The following ZEB1 variants were observed in gnomAD, a reference collection of about 807,000 sequenced individuals.
The protein encoded by ZEB1 is zinc finger E-box-binding homeobox 1.
A neutral mutation model predicts 84.9 loss-of-function variants in ZEB1; 21 were observed. That is an observed-to-expected ratio of 0.25 (90% CI 0.18 to 0.36). The LOEUF (loss-of-function observed/expected upper bound fraction) is 0.36, where lower values mean the gene tolerates loss of function less well. ZEB1 is among the 10% of genes least tolerant of loss of function. The pLI is 1.00. For missense variants in ZEB1, 1,104 were observed against 1,330.2 expected (o/e 0.83, Z 2.65); for synonymous variants, 420 against 471.1 (o/e 0.89, Z 1.41).
chr10:31,483,681 T>A (rs767866784), intron 2 of ZEB1, among the ~76,000 whole-genome samples: 1 of 152,008 alleles, frequency 6.6e-6, no homozygotes, highest in Non-Finnish European at 1.5e-5. Context: ...AAAAAAATAT[T>A]GACCTCTGCA....
chr10:31,382,059 G>A (rs938048422), intron 1 of ZEB1, among the ~76,000 whole-genome samples: 2 of 139,326 alleles, frequency 1.4e-5, no homozygotes, highest in African/African-American at 2.6e-5. Flanking sequence ...CTTGAAGCCC[G>A]ACTTCATGGC....
chr10:31,441,827 T>A (rs1473283297), intron 1 of ZEB1, among the ~76,000 whole-genome samples: 1 of 152,212 alleles, frequency 6.6e-6, no homozygotes, highest in East Asian at 1.9e-4. Context: ...TCACTGGCCA[T>A]CAGAGAAATG....
intron 1 of ZEB1, among the ~76,000 whole-genome samples, chr10:31,357,693 A>G (rs79346207): frequency 0.013 from 1,931 of 152,266 alleles, 31 homozygotes; most frequent in African/African-American, 0.044. Context: ...GAACTTGGCA[A>G]TTGTTAGTTT....
At chr10:31,373,293 G>A (rs781003590) in intron 1 of ZEB1, 31 of 899,600 alleles carry the variant, frequency 3.4e-5, no homozygotes, top group Non-Finnish European at 4.1e-5. Flanking sequence ...ACAAGTGTTT[G>A]AATTTTATAT....
chr10:31,477,141 T>G (rs955281446), intron 2 of ZEB1, among the ~76,000 whole-genome samples: 1 of 152,034 alleles, frequency 6.6e-6, no homozygotes, highest in Non-Finnish European at 1.5e-5. Flanking sequence ...ACTGATGACA[T>G]GCCCCCATAC....
At chr10:31,364,316 G>A (rs1276413419) in intron 1 of ZEB1, among the ~76,000 whole-genome samples, 2 of 152,208 alleles carry the variant, frequency 1.3e-5, no homozygotes, top group Non-Finnish European at 2.9e-5. Context: ...GGGGGCAAGT[G>A]TGTGGCCCTG....
intron 1 of ZEB1, among the ~76,000 whole-genome samples, chr10:31,425,759 C>G (rs1033304665): frequency 6.6e-6 from 1 of 152,022 alleles, no homozygotes; most frequent in Non-Finnish European, 1.5e-5. Flanking sequence ...TCTTATTTTT[C>G]AAGTCTGAGA....
chr10:31,481,574 A>G (rs750571713), intron 2 of ZEB1, among the ~76,000 whole-genome samples: 52 of 151,962 alleles, frequency 3.4e-4, no homozygotes, highest in Non-Finnish European at 6.9e-4. Flanking sequence ...TTGTAATCCC[A>G]ACTACTCGGG....
intron 2 of ZEB1, among the ~76,000 whole-genome samples, chr10:31,475,964 A>C (rs2064104107): frequency 6.6e-6 from 1 of 152,106 alleles, no homozygotes; most frequent in East Asian, 1.9e-4. Flanking sequence ...AAAAGGCCTA[A>C]ATATTCCATT....
intron 1 of ZEB1, among the ~76,000 whole-genome samples, chr10:31,409,388 G>T (rs2053783409): frequency 6.6e-6 from 1 of 152,216 alleles, no homozygotes; most frequent in Non-Finnish European, 1.5e-5. Flanking sequence ...TTTGATACCA[G>T]TACCATGCTG....
intron 1 of ZEB1, among the ~76,000 whole-genome samples, chr10:31,446,861 G>A (rs1426621618): frequency 6.6e-6 from 1 of 151,884 alleles, no homozygotes; most frequent in East Asian, 1.9e-4. Flanking sequence ...AATAGGTGTG[G>A]TGTGGTGCTG....
intron 2 of ZEB1, among the ~76,000 whole-genome samples, chr10:31,466,021 T>G (rs2062377683): frequency 1.3e-5 from 2 of 152,168 alleles, no homozygotes; most frequent in Non-Finnish European, 2.9e-5. Flanking sequence ...TAAAAAATTG[T>G]CACAAGAGGC....
chr10:31,463,861 C>A (rs766240596), intron 2 of ZEB1, among the ~76,000 whole-genome samples: 5 of 152,056 alleles, frequency 3.3e-5, no homozygotes, highest in Non-Finnish European at 5.9e-5. Flanking sequence ...AGAAGTCTCC[C>A]AAATAATTTA....
Position 31,446,374 on chromosome 10 carries a change from C to A in ZEB1, c.59-14663C>A, listed in dbSNP as rs573462257. Among the ~76,000 whole-genome samples, 20 of 151,996 alleles carry A rather than the reference C, an allele frequency of 1.3e-4. No individual in the cohort carries two copies. In the South Asian group the frequency reaches 3.8e-3, roughly 29 times the overall value. On this transcript the variant is annotated intron_variant, in intron 1 of 8. Transcript: ENST00000424869. ...CTTTCAAAAAACCAGCTCCTGGATT[C>A]ATTGATTTTTTGAAGGGTTTTTTGT...
chr10:31,410,735 G>A (rs575279237), intron 1 of ZEB1, among the ~76,000 whole-genome samples: 2 of 152,246 alleles, frequency 1.3e-5, no homozygotes, highest in Non-Finnish European at 2.9e-5. Context: ...AGTCTTGGGA[G>A]GGTATATGTG....
chr10:31,459,276 G>A (rs2061563068), intron 1 of ZEB1, among the ~76,000 whole-genome samples: 1 of 152,066 alleles, frequency 6.6e-6, no homozygotes, highest in African/African-American at 2.4e-5. Flanking sequence ...AAAGCAGTAT[G>A]ATGTGATCAT....
intron 1 of ZEB1, among the ~76,000 whole-genome samples, chr10:31,375,793 G>T (rs2046515860): frequency 6.6e-6 from 1 of 151,642 alleles, no homozygotes. Context: ...ATTGTTTATA[G>T]ATATGGAAAG....
chr10:31,329,381 T>C (rs940616689), intron 1 of ZEB1, among the ~76,000 whole-genome samples: 1 of 152,154 alleles, frequency 6.6e-6, no homozygotes, highest in Admixed American at 6.5e-5. Flanking sequence ...AGTATTCCAT[T>C]GTATGAATGT....
At chr10:31,358,465 G>A (rs186939415) in intron 1 of ZEB1, 5 of 151,982 alleles carry the variant, frequency 3.3e-5, no homozygotes, top group Admixed American at 2.6e-4. Flanking sequence ...TCATTTAATA[G>A]ACACCTGTCT....
Sources: allele counts gnomAD v4.1 joint callset (sites outside exome capture counted in the v4.1 genomes callset), GRCh38; gene constraint gnomAD v4.1.1; transcripts MANE v1.5; gene names NCBI Gene and HGNC (gene_info 2026-07-23, HGNC 2026-07-21).